Variants in FMNL2 observed in about 807,000 individuals in gnomAD.
FMNL2 encodes formin like 2.
In FMNL2, 51 loss-of-function variants were observed where a neutral mutation model predicts 130.2. That is an observed-to-expected ratio of 0.39 (90% CI 0.31 to 0.49). FMNL2 has a LOEUF of 0.49. Among genes scored for constraint, FMNL2 ranks in the 20% least tolerant of loss-of-function variants. The pLI, the probability that FMNL2 is intolerant of heterozygous loss-of-function variation, is 0.85. For missense variants in FMNL2, 977 were observed against 1,316.2 expected (o/e 0.74, Z 3.99); for synonymous variants, 465 against 467.1 (o/e 1.00, Z 0.06).
chr2:152,534,137 A>G (rs1693858897), intron 2 of FMNL2, among the ~76,000 whole-genome samples: 1 of 152,216 alleles, frequency 6.6e-6, no homozygotes, highest in African/African-American at 2.4e-5. Flanking sequence ...AGCAAGTGGT[A>G]AGGGTAGGAT....
At chr2:152,641,450 T>C (rs1321491241) in intron 25 of FMNL2, among the ~76,000 whole-genome samples, 1 of 152,276 alleles carries the variant, frequency 6.6e-6, no homozygotes, top group African/African-American at 2.4e-5. Context: ...TGCTATCTCC[T>C]CGAACCAATT....
chr2:152,573,076 A>T (rs550126368), intron 6 of FMNL2, among the ~76,000 whole-genome samples: 1 of 152,344 alleles, frequency 6.6e-6, no homozygotes, highest in African/African-American at 2.4e-5. Flanking sequence ...TGATTCTAAA[A>T]TATAGAGCAA....
chr2:152,430,555 T>C lies in FMNL2; in HGVS notation c.118-91388T>C, dbSNP rs569881124. Among the ~76,000 whole-genome samples the C allele has an allele frequency of 2.0e-5, 3 of 152,314 alleles. No individual in the cohort carries two copies. In the South Asian group the frequency reaches 6.2e-4, roughly 32 times the overall value. ...ATATACCTACTTTCACTTCCATTCA[T>C]CTCTTTCTTTAAAGGTTGATTAAAG... is the stretch of plus-strand genomic sequence containing the variant. On this transcript the variant is annotated intron_variant, in intron 1 of 25. Coordinates refer to ENST00000288670, the MANE Select transcript of FMNL2 (RefSeq NM_052905.4).
intron 9 of FMNL2, among the ~76,000 whole-genome samples, chr2:152,582,936 A>G (rs982793476): frequency 1.3e-5 from 2 of 152,198 alleles, no homozygotes; most frequent in Admixed American, 6.5e-5. Context: ...TGTATAGAAC[A>G]AGAATAAAAG....
At chr2:152,498,335 G>A (rs1211472115) in intron 1 of FMNL2, among the ~76,000 whole-genome samples, 3 of 152,182 alleles carry the variant, frequency 2.0e-5, no homozygotes, top group African/African-American at 4.8e-5. Context: ...TCCATGAGAT[G>A]TAGAGTTTTT....
At chr2:152,453,242 A>T (rs1688750295) in intron 1 of FMNL2, among the ~76,000 whole-genome samples, 1 of 151,990 alleles carries the variant, frequency 6.6e-6, no homozygotes, top group South Asian at 2.1e-4. Context: ...TTACAGAAAG[A>T]AAGAAAATAC....
chr2:152,360,806 G>C (rs923356233), intron 1 of FMNL2, among the ~76,000 whole-genome samples: 2 of 152,100 alleles, frequency 1.3e-5, no homozygotes, highest in Non-Finnish European at 2.9e-5. Context: ...TGTACTACAT[G>C]ATAATTAAAT....
At chr2:152,406,689 A>T (rs912522838) in intron 1 of FMNL2, among the ~76,000 whole-genome samples, 1 of 152,180 alleles carries the variant, frequency 6.6e-6, no homozygotes, top group Non-Finnish European at 1.5e-5. Flanking sequence ...CAGATGAGCA[A>T]ATTTAGTCTG....
At chr2:152,473,175 T>A (rs1558892324) in intron 1 of FMNL2, among the ~76,000 whole-genome samples, 1 of 152,212 alleles carries the variant, frequency 6.6e-6, no homozygotes, top group African/African-American at 2.4e-5. Context: ...AAAGGCAATC[T>A]TTTTTTCAAT....
chr2:152,482,634 A>G (rs966963403), intron 1 of FMNL2, among the ~76,000 whole-genome samples: 2 of 152,210 alleles, frequency 1.3e-5, no homozygotes, highest in Non-Finnish European at 2.9e-5. Flanking sequence ...TTAGTTTTTA[A>G]AAGACTTCTC....
chr2:152,427,744 C>T (rs1454940095), intron 1 of FMNL2, among the ~76,000 whole-genome samples: 1 of 152,064 alleles, frequency 6.6e-6, no homozygotes, highest in African/African-American at 2.4e-5. Flanking sequence ...CCAGTATTAA[C>T]GTTTGAGATA....
intron 1 of FMNL2, among the ~76,000 whole-genome samples, chr2:152,502,192 A>G (rs1310689436): frequency 1.3e-5 from 2 of 152,214 alleles, no homozygotes; most frequent in Admixed American, 1.3e-4. Flanking sequence ...ATTCAAATAT[A>G]GGATTGATTG....
intron 9 of FMNL2, among the ~76,000 whole-genome samples, chr2:152,601,121 A>G (rs1698025347): frequency 6.6e-6 from 1 of 152,086 alleles, no homozygotes; most frequent in Non-Finnish European, 1.5e-5. Context: ...AAGTAAGTAT[A>G]AGAAAGAAGA....
chr2:152,646,907 G>A (rs1423774218), intron 25 of FMNL2, among the ~76,000 whole-genome samples: 3 of 152,322 alleles, frequency 2.0e-5, no homozygotes, highest in South Asian at 2.1e-4. Flanking sequence ...AAGAAAGCAT[G>A]CCTTCATACT....
At chr2:152,390,891 G>T (rs1481985283) in intron 1 of FMNL2, among the ~76,000 whole-genome samples, 1 of 152,182 alleles carries the variant, frequency 6.6e-6, no homozygotes, top group African/African-American at 2.4e-5. Context: ...CATTTGTGAT[G>T]CCAAATTGTA....
chr2:152,440,141 C>T (rs189261097), intron 1 of FMNL2, among the ~76,000 whole-genome samples: 1 of 152,156 alleles, frequency 6.6e-6, no homozygotes, highest in East Asian at 1.9e-4. Flanking sequence ...TTTTGGTAGG[C>T]ACCAGGTCTC....
intron 1 of FMNL2, among the ~76,000 whole-genome samples, chr2:152,455,978 A>G (rs1688934568): frequency 6.6e-6 from 1 of 152,240 alleles, no homozygotes; most frequent in African/African-American, 2.4e-5. Flanking sequence ...GGCCTCCCGA[A>G]GTGTTGGGAT....
At chr2:152,592,815 C>G (rs1434710051) in intron 9 of FMNL2, among the ~76,000 whole-genome samples, 1 of 152,156 alleles carries the variant, frequency 6.6e-6, no homozygotes, top group Non-Finnish European at 1.5e-5. Context: ...CATATACAGC[C>G]TTACATAACA....
chr2:152,548,993 T>C, intron 3 of FMNL2, 28 bp from the exon 4 acceptor site: 1 of 1,556,932 alleles, frequency 6.4e-7, no homozygotes, highest in Non-Finnish European at 8.7e-7. Context: ...TAAAATATTT[T>C]GTGAGAATAT....
Sources: allele counts gnomAD v4.1 joint callset (sites outside exome capture counted in the v4.1 genomes callset), GRCh38; gene constraint gnomAD v4.1.1; transcripts MANE v1.5; gene names NCBI Gene and HGNC (gene_info 2026-07-23, HGNC 2026-07-21).